CSMD2: variants seen among roughly 807,000 people sequenced by gnomAD.
CSMD2 encodes the protein CUB and Sushi multiple domains 2.
CSMD2 carries 130 observed loss-of-function variants against 398.5 expected under a neutral mutation model. The observed-to-expected ratio is 0.33, with a 90% CI of 0.28 to 0.38. The LOEUF (loss-of-function observed/expected upper bound fraction) is 0.38, where lower values mean the gene tolerates loss of function less well. Ranked by LOEUF, CSMD2 falls within the 10% of genes least tolerant of loss-of-function variation. CSMD2 has a pLI of 1.00. For missense variants in CSMD2, 3,829 were observed against 4,764.9 expected (o/e 0.80, Z 5.78); for synonymous variants, 1,828 against 1,908.5 (o/e 0.96, Z 1.10).
chr1:33,854,261 A>G (rs544511992), intron 5 of CSMD2, among the ~76,000 whole-genome samples: 1 of 152,320 alleles, frequency 6.6e-6, no homozygotes, highest in South Asian at 2.1e-4. Flanking sequence ...CTCCCTGAAG[A>G]CAGGAGCTGT....
At position 33,567,585 on chromosome 1, in the gene CSMD2, A is replaced by G. The variant is rs982309004; in HGVS notation, c.8380+8T>C. On this transcript the variant is annotated splice_region_variant and intron_variant, in intron 53 of 70. Coordinates refer to ENST00000373381, the MANE Select transcript of CSMD2 (RefSeq NM_001281956.2). The stretch of plus-strand genomic sequence containing the variant: ...CCCATGACTAGGGAGAGTGGATGAC[A>G]TACTTACGCACACAGAAAGGGGTCT... The G allele has an allele frequency of 1.9e-6, 3 of 1,613,870 alleles. No homozygotes were observed. The highest frequency in any genetic ancestry group is 2.7e-5 in the African/African-American group (2 of 74,910).
intron 1 of CSMD2, among the ~76,000 whole-genome samples, chr1:34,140,846 G>A (rs2148524355): frequency 6.6e-6 from 1 of 152,150 alleles, no homozygotes; most frequent in Non-Finnish European, 1.5e-5. Flanking sequence ...ACGTGGGGCT[G>A]GGATTTGAAC....
intron 25 of CSMD2, among the ~76,000 whole-genome samples, chr1:33,676,069 C>T (rs984987984): frequency 5.9e-5 from 9 of 152,216 alleles, no homozygotes; most frequent in Non-Finnish European, 1.2e-4. Flanking sequence ...TGCCCTCTCT[C>T]ACCACTCCTA....
At chr1:33,756,440 A>T (rs1649031537) in intron 13 of CSMD2, among the ~76,000 whole-genome samples, 1 of 152,180 alleles carries the variant, frequency 6.6e-6, no homozygotes, top group Non-Finnish European at 1.5e-5. Flanking sequence ...AAAGGAATGA[A>T]TGGCATAGAG....
intron 62 of CSMD2, among the ~76,000 whole-genome samples, chr1:33,536,768 C>T (rs115574460): frequency 0.019 from 2,821 of 152,292 alleles, 93 homozygotes; most frequent in African/African-American, 0.06. Flanking sequence ...CTGGGGTTGC[C>T]GGGAAGTGTT....
rs143575896 is a variant in CSMD2 at position 33,557,880 on chromosome 1, C to A, written c.8597G>T (p.Arg2866Leu). 3 of 1,536,126 alleles carry A rather than the reference C, an allele frequency of 2.0e-6. No individual in the cohort carries two copies. Among genetic ancestry groups the A allele is most frequent in the Admixed American group, 2.0e-5 (1 of 51,006 alleles). ...GTGCGGGCCGCTGGCGTGGACCTGA[C>A]GAACACTATTTTCTTGGTGTCCAGG... ...TDPGHQENSV[R>L]QVHASGPHRF... Residue 2866 changes from arginine (R) to leucine (L), a missense_variant, in exon 55 of 71, where the codon CGT becomes CTT. Around this residue, in one of 5 missense-constraint regions of CSMD2, gnomAD observed 917 missense variants for 1,199.5 expected, o/e 0.76. Transcript: ENST00000373381.
At chr1:33,672,481 G>A (rs570382766) in intron 25 of CSMD2, among the ~76,000 whole-genome samples, 2 of 152,320 alleles carry the variant, frequency 1.3e-5, no homozygotes, top group Non-Finnish European at 2.9e-5. Flanking sequence ...GAACTGGATG[G>A]AGCCCACCAC....
chr1:34,086,258 G>A (rs992896934), intron 2 of CSMD2, among the ~76,000 whole-genome samples: 1 of 152,106 alleles, frequency 6.6e-6, no homozygotes, highest in Non-Finnish European at 1.5e-5. Context: ...CCCCATAGAT[G>A]GTGTCACATG....
At chr1:34,098,835 A>G (rs1443951064) in intron 1 of CSMD2, among the ~76,000 whole-genome samples, 5 of 152,182 alleles carry the variant, frequency 3.3e-5, no homozygotes, top group Non-Finnish European at 7.3e-5. Context: ...AAACCTAGGT[A>G]ATTATCTGAC....
rs577551443 is a variant in CSMD2, at chr1:33,742,914, A to C, written c.2173+366T>G. 2.4e-4 allele frequency among the ~76,000 whole-genome samples: 36 copies of C among 152,314 alleles called. No homozygotes were observed. In the South Asian group the frequency reaches 4.8e-3, roughly 20 times the overall value. On this transcript the variant is annotated intron_variant, in intron 14 of 70. Coordinates refer to ENST00000373381, the MANE Select transcript of CSMD2 (RefSeq NM_001281956.2). ...GAGAGCACCTCAGAGAGGGCATCAGAAACCAATGAGAATGATAGAGGCTTT... is the reference window on the plus strand; with the variant it reads ...GAGAGCACCTCAGAGAGGGCATCAGCAACCAATGAGAATGATAGAGGCTTT...
intron 1 of CSMD2, among the ~76,000 whole-genome samples, chr1:34,091,444 T>C (rs1314783939): frequency 1.3e-5 from 2 of 152,172 alleles, no homozygotes; most frequent in African/African-American, 4.8e-5. Flanking sequence ...AATTAAGTAA[T>C]GGGGCCCAAG....
intron 13 of CSMD2, among the ~76,000 whole-genome samples, chr1:33,754,885 T>C (rs1156801498): frequency 6.6e-6 from 1 of 151,710 alleles, no homozygotes; most frequent in Non-Finnish European, 1.5e-5. Flanking sequence ...TATTTGAAAA[T>C]TGAGAGTGTT....
rs1026547142 is a variant in CSMD2, at chr1:34,070,628, G to A, written c.404+18349C>T. ...AGTAACACTGGGCACTTACATGGGTGGAGCTTTGCGGTAGTGGATACAAAT... is the reference window on the plus strand; with the variant it reads ...AGTAACACTGGGCACTTACATGGGTAGAGCTTTGCGGTAGTGGATACAAAT... On this transcript the variant is annotated intron_variant, in intron 2 of 70. Transcript: ENST00000373381. Among the ~76,000 whole-genome samples, 6 of 152,220 alleles carry A rather than the reference G, an allele frequency of 3.9e-5. No individual in the cohort carries two copies. In the East Asian group the frequency reaches 1.2e-3, roughly 29 times the overall value.
At chr1:34,103,474 G>T (rs1660212171) in intron 1 of CSMD2, among the ~76,000 whole-genome samples, 1 of 151,638 alleles carries the variant, frequency 6.6e-6, no homozygotes, top group Non-Finnish European at 1.5e-5. Context: ...AATTTTTCAC[G>T]TTTTTAGTAG....
At chr1:33,752,991 G>A (rs1363515338) in intron 13 of CSMD2, among the ~76,000 whole-genome samples, 1 of 152,202 alleles carries the variant, frequency 6.6e-6, no homozygotes, top group Non-Finnish European at 1.5e-5. Flanking sequence ...TAGCATGGCT[G>A]CTTCTAACAG....
intron 1 of CSMD2, among the ~76,000 whole-genome samples, chr1:34,127,709 G>A (rs1662887477): frequency 6.6e-6 from 1 of 152,158 alleles, no homozygotes; most frequent in South Asian, 2.1e-4. Context: ...GGTGCTGGGC[G>A]TAGGTTAGAG....
intron 23 of CSMD2, among the ~76,000 whole-genome samples, chr1:33,699,401 G>A (rs1310145832): frequency 1.3e-5 from 2 of 152,214 alleles, no homozygotes; most frequent in African/African-American, 4.8e-5. Flanking sequence ...CCACTCTACG[G>A]CGCTATACAT....
At position 33,636,704 on chromosome 1, in the gene CSMD2, C is replaced by A. The variant is rs1033455522; in HGVS notation, c.4775-150G>T. The A allele has an allele frequency of 1.1e-5, 7 of 615,828 alleles. No individual in the cohort carries two copies. Among genetic ancestry groups the A allele is most frequent in the African/African-American group, 1.1e-4 (6 of 54,222 alleles). 38.1% of individuals were successfully genotyped at this position (615,828 alleles called of 1,614,324 possible). On this transcript the variant is annotated intron_variant, in intron 29 of 70. Transcript: ENST00000373381. This position sits in a 1 kb window ranked among gnomAD's most constrained non-coding sequence, Gnocchi z 4.8. Reference sequence around the variant, plus strand: ...ACTGTGGCTCCTATTCCCCTCAGGTCTAGAAACGTCTCTAAATTTGGGTAG... The same window carrying A: ...ACTGTGGCTCCTATTCCCCTCAGGTATAGAAACGTCTCTAAATTTGGGTAG...
Position 33,959,030 on chromosome 1 carries a change from G to A in CSMD2, c.518-23076C>T, listed in dbSNP as rs114261057. 4.1e-3 allele frequency among the ~76,000 whole-genome samples: 619 copies of A among 152,250 alleles called. 2 individuals are homozygous for A. The highest frequency in any genetic ancestry group is 0.013 in the African/African-American group (522 of 41,532). ...GCTGACCTGTGACCTTCCCACACAG[G>A]TGCCCAGTAAAGGTGAGCCCCTGCT... On this transcript the variant is annotated intron_variant, in intron 3 of 70. Transcript: ENST00000373381.
Sources: gnomAD v4.1 joint callset for allele counts (sites outside exome capture counted in the v4.1 genomes callset) on GRCh38, gnomAD v4.1.1 for gene constraint, gnomAD v4.1.1 regional missense constraint, Gnocchi (gnomAD v3.1) non-coding constraint, MANE v1.5 for transcripts, NCBI Gene and HGNC (gene_info 2026-07-23, HGNC 2026-07-21) for gene names.